Variants in DKK2 observed in about 807,000 individuals in gnomAD.
DKK2 encodes the protein dickkopf Wnt signaling pathway inhibitor 2.
A neutral mutation model predicts 28.1 loss-of-function variants in DKK2; 11 were observed. That is an observed-to-expected ratio of 0.39 (90% CI 0.25 to 0.65). The LOEUF is 0.65. Among genes scored for constraint, DKK2 ranks in the 30% least tolerant of loss-of-function variants. The pLI is 0.47. For missense variants in DKK2, 326 were observed against 335.5 expected (o/e 0.97, Z 0.22); for synonymous variants, 135 against 126.5 (o/e 1.07, Z -0.45).
chr4:107,004,723 G>A (rs1723412162), intron 1 of DKK2, among the ~76,000 whole-genome samples: 1 of 152,136 alleles, frequency 6.6e-6, no homozygotes, highest in Non-Finnish European at 1.5e-5. Context: ...TAAGACTTTT[G>A]TATGGGAAGG....
In DKK2 at chr4:106,924,010, A is replaced by G; in HGVS notation, c.724T>C (p.Trp242Arg). Residue 242 changes from tryptophan to arginine, a missense_variant, in exon 4 of 4, where the codon TGG becomes CGG. Trp to Arg is a moderately radical substitution (Grantham distance 101). Coordinates refer to ENST00000285311, the MANE Select transcript of DKK2 (RefSeq NM_014421.3). ...TTGGAGGAGTAGGTGGCATCTTTCC[A>G]TACTTTGCAAGACAGGCCCTTCGCA... ...DCAKGLSCKV[W>R]KDATYSSKAR... The G allele has an allele frequency of 1.2e-6, 2 of 1,613,994 alleles. No homozygotes were observed. The highest frequency in any genetic ancestry group is 8.5e-7 in the Non-Finnish European group (1 of 1,179,914).
At chr4:106,937,042 G>T (rs1724600737) in intron 1 of DKK2, among the ~76,000 whole-genome samples, 1 of 152,184 alleles carries the variant, frequency 6.6e-6, no homozygotes, top group African/African-American at 2.4e-5. Context: ...TCAAGACTAG[G>T]AAGAAACTGC....
At chr4:106,973,125 T>C (rs1261801981) in intron 1 of DKK2, among the ~76,000 whole-genome samples, 1 of 152,202 alleles carries the variant, frequency 6.6e-6, no homozygotes, top group Non-Finnish European at 1.5e-5. Flanking sequence ...ACATTGTCTT[T>C]ATCCACTCTA....
intron 1 of DKK2, among the ~76,000 whole-genome samples, chr4:106,940,759 C>G (rs1433886370): frequency 6.6e-6 from 1 of 152,090 alleles, no homozygotes; most frequent in African/African-American, 2.4e-5. Flanking sequence ...CACATATACA[C>G]CACGGAATAC....
intron 1 of DKK2, among the ~76,000 whole-genome samples, chr4:107,015,771 T>A (rs961365111): frequency 2.6e-5 from 4 of 151,736 alleles, no homozygotes; most frequent in African/African-American, 9.7e-5. Flanking sequence ...CAGTGTCAGT[T>A]AAATAACTGT....
At chr4:106,946,091 A>G (rs751659770) in intron 1 of DKK2, among the ~76,000 whole-genome samples, 1 of 152,154 alleles carries the variant, frequency 6.6e-6, no homozygotes, top group Non-Finnish European at 1.5e-5. Context: ...CAATTTGCTT[A>G]GGCACTTTAT....
In DKK2 at chr4:107,019,106, CAACA is replaced by C. The variant is rs1358920376; in HGVS notation, c.222+16260_222+16263del. ...CTCAGAAACGAGAAGATAAGAACTT[CAACA>C]ACGTTTCCAGAGTTTACGGGCACGG... On this transcript the variant is annotated intron_variant, in intron 1 of 3. Coordinates refer to ENST00000285311, the MANE Select transcript of DKK2 (RefSeq NM_014421.3). Among the ~76,000 whole-genome samples, 9 of 152,022 alleles carry C rather than the reference CAACA, an allele frequency of 5.9e-5. 1 individual carries two copies. Among genetic ancestry groups the C allele is most frequent in the Admixed American group, 5.9e-4 (9 of 15,250 alleles).
At chr4:106,957,040 T>C (rs1257038696) in intron 1 of DKK2, among the ~76,000 whole-genome samples, 2 of 151,384 alleles carry the variant, frequency 1.3e-5, no homozygotes, top group East Asian at 1.9e-4. Flanking sequence ...TACAATGAAC[T>C]CAAACAAATT....
intron 1 of DKK2, among the ~76,000 whole-genome samples, chr4:106,929,443 A>T (rs1724470326): frequency 6.6e-6 from 1 of 152,196 alleles, no homozygotes. Context: ...AGCATCCAGG[A>T]ATACTTAGCT....
chr4:106,999,462 T>G (rs557507122), intron 1 of DKK2, among the ~76,000 whole-genome samples: 3 of 152,204 alleles, frequency 2.0e-5, no homozygotes, highest in Non-Finnish European at 4.4e-5. Flanking sequence ...TTCTCCTGCC[T>G]CAGCCTCCTA....
rs80286381 is a variant in DKK2 at position 107,013,898 on chromosome 4, T to G, written c.222+21472A>C. On this transcript the variant is annotated intron_variant, in intron 1 of 3. Coordinates refer to ENST00000285311, the MANE Select transcript of DKK2 (RefSeq NM_014421.3). ...GGCAAAAGACTTTAATAGACATTTTTCAAAAGAAGAGATATTATATGACAA... is the reference window on the plus strand; with the variant it reads ...GGCAAAAGACTTTAATAGACATTTTGCAAAAGAAGAGATATTATATGACAA... Among the ~76,000 whole-genome samples the G allele has an allele frequency of 7.4e-3, 1,119 of 151,674 alleles. 11 individuals carry two copies. Among genetic ancestry groups the G allele is most frequent in the African/African-American group, 0.026 (1,067 of 41,492 alleles).
At chr4:106,932,565 C>A (rs1054104671) in intron 1 of DKK2, among the ~76,000 whole-genome samples, 5 of 152,088 alleles carry the variant, frequency 3.3e-5, no homozygotes, top group South Asian at 2.1e-4. Flanking sequence ...GTTTACCTGG[C>A]TCTTGATTGT....
At chr4:106,956,096 T>C (rs920303515) in intron 1 of DKK2, among the ~76,000 whole-genome samples, 1 of 152,128 alleles carries the variant, frequency 6.6e-6, no homozygotes. Context: ...ATTGAATACA[T>C]ACAGTAATTC....
chr4:106,955,713 C>T (rs1433004299), intron 1 of DKK2, among the ~76,000 whole-genome samples: 1 of 152,040 alleles, frequency 6.6e-6, no homozygotes, highest in African/African-American at 2.4e-5. Flanking sequence ...TTAACACAAT[C>T]AGAAACATAA....
chr4:106,924,073 C>T lies in DKK2; in HGVS notation c.661G>A (p.Gly221Ser), dbSNP rs758106890. The stretch of plus-strand genomic sequence containing the variant: ...TGGAAAATTTCCAGCCCATGAGAAC[C>T]CTTCTTGCGTTGTTTGGTACAGACT... ...GEVCTKQRKK[G>S]SHGLEIFQRC... The change falls in exon 4 of 4, where the codon GGT becomes AGT. Residue 221 changes from glycine to serine, a missense_variant. Transcript: ENST00000285311. 82 of 1,613,780 alleles carry T rather than the reference C, an allele frequency of 5.1e-5. No individual in the cohort carries two copies. The South Asian group carries it at 8.5e-4, about 17-fold the overall frequency.
At chr4:106,928,656 C>T (rs915953563) in intron 1 of DKK2, among the ~76,000 whole-genome samples, 1 of 152,012 alleles carries the variant, frequency 6.6e-6, no homozygotes, top group African/African-American at 2.4e-5. Context: ...AAATCCATGT[C>T]CCTTAGCCCA....
intron 1 of DKK2, among the ~76,000 whole-genome samples, chr4:106,955,393 G>A (rs958777640): frequency 3.3e-5 from 5 of 152,062 alleles, no homozygotes; most frequent in African/African-American, 1.2e-4. Context: ...CTCCTTTGCT[G>A]GCTCCAATTG....
At chr4:106,945,255 G>T (rs1045101273) in intron 1 of DKK2, among the ~76,000 whole-genome samples, 8 of 152,072 alleles carry the variant, frequency 5.3e-5, no homozygotes, top group Non-Finnish European at 4.4e-5. Flanking sequence ...TTTACAACTT[G>T]CAAGTGATGC....
chr4:106,951,623 A>T (rs955705504), intron 1 of DKK2, among the ~76,000 whole-genome samples: 27 of 152,296 alleles, frequency 1.8e-4, no homozygotes, highest in Non-Finnish European at 3.5e-4. Flanking sequence ...GAGCTAAAAA[A>T]GTTGACCTCA....
Sources: allele counts gnomAD v4.1 joint callset (sites outside exome capture counted in the v4.1 genomes callset), GRCh38; gene constraint gnomAD v4.1.1; transcripts MANE v1.5; gene names NCBI Gene and HGNC (gene_info 2026-07-23, HGNC 2026-07-21).